Variants in SH3BGRL2 observed in about 807,000 individuals in gnomAD.
SH3BGRL2 encodes SH3 domain binding glutamate rich protein like 2.
SH3BGRL2 carries 21 observed loss-of-function variants against 14.8 expected under a neutral mutation model. That is an observed-to-expected ratio of 1.42 (90% CI 1.01 to 2.05). The LOEUF is 2.05. Ranked by LOEUF, SH3BGRL2 falls within the 30% of genes most tolerant of loss-of-function variation. The pLI is 0.00. For missense variants in SH3BGRL2, 147 were observed against 130.8 expected (o/e 1.12, Z -0.61); for synonymous variants, 50 against 47.8 (o/e 1.05, Z -0.19).
At chr6:79,583,549 C>G in the SH3BGRL2 span, among the ~76,000 whole-genome samples, 2 of 152,286 alleles carry the variant, frequency 1.3e-5, no homozygotes, top group South Asian at 4.2e-4. Context: ...CTAAACACTG[C>G]ATGTTCTCAC....
the SH3BGRL2 span, among the ~76,000 whole-genome samples, chr6:79,572,149 C>T: frequency 1.3e-5 from 2 of 152,136 alleles, no homozygotes; most frequent in Non-Finnish European, 2.9e-5. Context: ...ATCCAGAATA[C>T]CACATTGCAT....
the SH3BGRL2 span, among the ~76,000 whole-genome samples, chr6:79,538,018 G>GTTTT: frequency 5.1e-3 from 225 of 44,150 alleles, 46 homozygotes; most frequent in African/African-American, 0.011. Flanking sequence ...TTGCACACAA[G>GTTTT]TTTTTTTTTT....
At chr6:79,657,226 A>G (rs1769438362) in intron 1 of SH3BGRL2, among the ~76,000 whole-genome samples, 1 of 151,638 alleles carries the variant, frequency 6.6e-6, no homozygotes, top group Non-Finnish European at 1.5e-5. Flanking sequence ...ATATACGCTT[A>G]AGAAGAACAC....
At chr6:79,655,895 C>G (rs1472269366) in intron 1 of SH3BGRL2, among the ~76,000 whole-genome samples, 1 of 152,134 alleles carries the variant, frequency 6.6e-6, no homozygotes, top group Non-Finnish European at 1.5e-5. Context: ...TTTAACAAGC[C>G]CTCCAGGTGA....
the SH3BGRL2 span, among the ~76,000 whole-genome samples, chr6:79,618,451 T>C: frequency 6.6e-6 from 1 of 152,222 alleles, no homozygotes; most frequent in Admixed American, 6.5e-5. Flanking sequence ...CTCTTGCCTG[T>C]AATTCCTGCA....
chr6:79,590,424 GATATATATATATATAT>G, the SH3BGRL2 span, among the ~76,000 whole-genome samples: 1,016 of 66,680 alleles, frequency 0.015, 81 homozygotes, highest in Admixed American at 0.12. Context: ...AAGAAAATGT[GATATATATATATATAT>G]ATATATATAT....
intron 1 of SH3BGRL2, among the ~76,000 whole-genome samples, chr6:79,643,657 G>C (rs566326617): frequency 6.6e-5 from 10 of 152,314 alleles, no homozygotes; most frequent in South Asian, 4.1e-4. Flanking sequence ...ACTTGGTATA[G>C]TAGCTATTCA....
chr6:79,653,098 T>C lies in SH3BGRL2; in HGVS notation c.46-20516T>C, dbSNP rs372364398. 7.2e-5 allele frequency among the ~76,000 whole-genome samples: 11 copies of C among 152,294 alleles called. No individual in the cohort carries two copies. In the East Asian group the frequency reaches 1.4e-3, roughly 19 times the overall value. On this transcript the variant is annotated intron_variant, in intron 1 of 3. Transcript: ENST00000369838. ...TGCATGTCTGAGTAGATAAACAGCA[T>C]TTCCCCTTAACATGAAGGTCATTTT...
intron 1 of SH3BGRL2, among the ~76,000 whole-genome samples, chr6:79,671,847 A>C (rs1769780781): frequency 6.6e-6 from 1 of 152,216 alleles, no homozygotes; most frequent in African/African-American, 2.4e-5. Context: ...CCTTACAAAC[A>C]GGCTGTGGTA....
intron 2 of SH3BGRL2, among the ~76,000 whole-genome samples, chr6:79,691,100 G>A (rs1770204474): frequency 6.6e-6 from 1 of 152,092 alleles, no homozygotes; most frequent in African/African-American, 2.4e-5. Flanking sequence ...GGCTGCATGA[G>A]CTGTGAACAC....
the SH3BGRL2 span, among the ~76,000 whole-genome samples, chr6:79,547,868 A>G: frequency 6.6e-6 from 1 of 152,144 alleles, no homozygotes. Flanking sequence ...ATACATAATA[A>G]TAATTACTAT....
intron 1 of SH3BGRL2, among the ~76,000 whole-genome samples, chr6:79,672,086 G>T (rs1028531950): frequency 6.6e-6 from 1 of 152,014 alleles, no homozygotes; most frequent in Non-Finnish European, 1.5e-5. Context: ...TTTGAGTTCT[G>T]CTTCATGTCA....
chr6:79,621,736 C>T, the SH3BGRL2 span, among the ~76,000 whole-genome samples: 1 of 152,128 alleles, frequency 6.6e-6, no homozygotes, highest in Non-Finnish European at 1.5e-5. Context: ...CTTAACCCGT[C>T]GTGGCTCTCC....
At chr6:79,609,761 A>C in the SH3BGRL2 span, among the ~76,000 whole-genome samples, 1 of 152,188 alleles carries the variant, frequency 6.6e-6, no homozygotes, top group African/African-American at 2.4e-5. Context: ...GTCCTGTCTC[A>C]GCCTGGTCAC....
chr6:79,660,543 G>C (rs1473048506), intron 1 of SH3BGRL2, among the ~76,000 whole-genome samples: 6 of 152,078 alleles, frequency 3.9e-5, no homozygotes, highest in Non-Finnish European at 8.8e-5. Context: ...CAGTTTCCCA[G>C]TATTTTATTG....
the SH3BGRL2 span, among the ~76,000 whole-genome samples, chr6:79,554,570 T>C: frequency 3.3e-5 from 5 of 152,190 alleles, no homozygotes; most frequent in African/African-American, 1.2e-4. Context: ...AATCCTAAAA[T>C]CCAGTCAATT....
At chr6:79,571,337 A>G in the SH3BGRL2 span, among the ~76,000 whole-genome samples, 34 of 152,312 alleles carry the variant, frequency 2.2e-4, no homozygotes, top group South Asian at 6.4e-3. Context: ...AATAATCAGG[A>G]TTATTTTTAA....
chr6:79,623,453 A>G, the SH3BGRL2 span, among the ~76,000 whole-genome samples: 3 of 152,238 alleles, frequency 2.0e-5, no homozygotes, highest in Non-Finnish European at 4.4e-5. Flanking sequence ...TTTACAGGAC[A>G]GTGTTCCCTG....
rs1228400761 is a variant in SH3BGRL2, at chr6:79,703,559, C to T, written c.*4050C>T. 1 of 152,184 alleles carries T rather than the reference C, an allele frequency of 6.6e-6. No homozygotes were observed. Among genetic ancestry groups the T allele is most frequent in the Non-Finnish European group, 1.5e-5 (1 of 68,038 alleles). 9.4% of individuals were successfully genotyped at this position (152,184 alleles called of 1,614,324 possible). A position where few individuals can be genotyped will look rare whatever the true frequency, so the allele number is the denominator to read the frequency against. On this transcript the variant is annotated 3_prime_UTR_variant, in exon 4 of 4. Coordinates refer to ENST00000369838, the MANE Select transcript of SH3BGRL2 (RefSeq NM_031469.4). ...TATCCCTGTCTGATAGAGGGAACCC[C>T]TGTACTGAACTTTGTGTTGACCATA...
Sources: gnomAD v4.1 joint callset for allele counts (sites outside exome capture counted in the v4.1 genomes callset) on GRCh38, gnomAD v4.1.1 for gene constraint, MANE v1.5 for transcripts, NCBI Gene and HGNC (gene_info 2026-07-23, HGNC 2026-07-21) for gene names.